Variants in IGDCC3 observed in about 807,000 individuals in gnomAD.
The protein encoded by IGDCC3 is immunoglobulin superfamily DCC subclass member 3.
IGDCC3 carries 47 observed loss-of-function variants against 72.0 expected under a neutral mutation model. The observed-to-expected ratio is 0.65, with a 90% CI of 0.52 to 0.83. IGDCC3 has a LOEUF of 0.83. Among genes scored for constraint, IGDCC3 ranks in the 40% least tolerant of loss-of-function variants. IGDCC3 has a pLI of 0.00. For missense variants in IGDCC3, 1,038 were observed against 1,091.3 expected (o/e 0.95, Z 0.69); for synonymous variants, 477 against 472.8 (o/e 1.01, Z -0.11).
intron 2 of IGDCC3, among the ~76,000 whole-genome samples, chr15:65,362,003 A>G (rs1478358853): frequency 6.6e-6 from 1 of 152,068 alleles, no homozygotes; most frequent in African/African-American, 2.4e-5. Context: ...CGCGGGCAGG[A>G]GCCAGGAGGG....
chr15:65,341,883 C>T (rs2091084400), intron 2 of IGDCC3, among the ~76,000 whole-genome samples: 1 of 152,170 alleles, frequency 6.6e-6, no homozygotes, highest in Non-Finnish European at 1.5e-5. Flanking sequence ...AAGCGATTCT[C>T]ATGCCTCAGC....
chr15:65,355,656 T>TGTCC, intron 2 of IGDCC3: 1 of 211,730 alleles, frequency 4.7e-6, no homozygotes, highest in Non-Finnish European at 9.7e-6. Flanking sequence ...GACGCGGGCG[T>TGTCC]CCCGCCCCCC....
intron 2 of IGDCC3, among the ~76,000 whole-genome samples, chr15:65,371,028 G>A (rs1323801631): frequency 6.6e-6 from 1 of 152,236 alleles, no homozygotes; most frequent in Non-Finnish European, 1.5e-5. Flanking sequence ...CCAAGCCCAG[G>A]TCTGTTTGCC....
At chr15:65,356,919 G>A (rs550345634) in intron 2 of IGDCC3, among the ~76,000 whole-genome samples, 8 of 140,140 alleles carry the variant, frequency 5.7e-5, no homozygotes, top group South Asian at 2.2e-4. Context: ...GCCTGATCTC[G>A]GCTCACTGCA....
chr15:65,334,712 T>TG lies in IGDCC3; in HGVS notation c.823+15dup. The TG allele has an allele frequency of 6.5e-7, 1 of 1,542,796 alleles. No individual in the cohort carries two copies. Among genetic ancestry groups the TG allele is most frequent in the Non-Finnish European group, 8.7e-7 (1 of 1,144,378 alleles). On this transcript the variant is annotated intron_variant, in intron 5 of 13. Coordinates refer to ENST00000327987, the MANE Select transcript of IGDCC3 (RefSeq NM_004884.4). ...GACAGGCTGGGAGGGGCAGGGGCTGTGGGGATGAGGCTCACCCAGGCGGCT... is the reference window on the plus strand; with the variant it reads ...GACAGGCTGGGAGGGGCAGGGGCTGTGGGGGATGAGGCTCACCCAGGCGGCT...
At position 65,377,723 on chromosome 15, in the gene IGDCC3, C is replaced by T. The variant is rs2091368467; in HGVS notation, c.66G>A (p.Leu22=). The T allele has an allele frequency of 1.5e-6, 2 of 1,377,754 alleles. No individual in the cohort carries two copies. The highest frequency in any genetic ancestry group is 1.9e-6 in the Non-Finnish European group (2 of 1,069,084). 85.3% of individuals were successfully genotyped at this position (1,377,754 alleles called of 1,614,324 possible). The change falls in exon 1 of 14, where the codon CTG becomes CTA. Residue 22 remains leucine (L), a synonymous_variant. Coordinates refer to ENST00000327987, the MANE Select transcript of IGDCC3 (RefSeq NM_004884.4). The surrounding 1 kb of genome is among the most constrained non-coding windows in gnomAD (Gnocchi z 4.9). ...PPAPLWPRLL[L]PLLLLLLPAP... Reference sequence around the variant, plus strand: ...CGGGCAGCAGCAGCAACAGCAGCGGCAGCAGGAGCCGGGGCCAGAGCGGGG... The same window carrying T: ...CGGGCAGCAGCAGCAACAGCAGCGGTAGCAGGAGCCGGGGCCAGAGCGGGG...
chr15:65,360,175 A>C (rs2091251445), intron 2 of IGDCC3, among the ~76,000 whole-genome samples: 1 of 152,240 alleles, frequency 6.6e-6, no homozygotes, highest in Non-Finnish European at 1.5e-5. Context: ...CATACAGCCC[A>C]ATGGATCCTT....
intron 2 of IGDCC3, among the ~76,000 whole-genome samples, chr15:65,348,216 C>A (rs1225742359): frequency 2.0e-5 from 3 of 152,162 alleles, no homozygotes; most frequent in African/African-American, 7.2e-5. Context: ...AACCACCAGC[C>A]CTTGGGGCCG....
chr15:65,367,692 T>C (rs573752598), intron 2 of IGDCC3, among the ~76,000 whole-genome samples: 1 of 152,102 alleles, frequency 6.6e-6, no homozygotes, highest in East Asian at 1.9e-4. Context: ...TTCAGCTTGG[T>C]TGGGTAAGGG....
chr15:65,347,305 G>A lies in IGDCC3; in HGVS notation c.410-11349C>T, dbSNP rs569354326. Among the ~76,000 whole-genome samples, 69 of 152,330 alleles carry A rather than the reference G, an allele frequency of 4.5e-4. 1 individual carries two copies. Among genetic ancestry groups the A allele is most frequent in the Admixed American group, 1.6e-3 (24 of 15,302 alleles). On this transcript the variant is annotated intron_variant, in intron 2 of 13. Transcript: ENST00000327987. ...TTGGGATTTAGGTAACAGAGAGGCAGGCTGAGATCAGCTCCTGGCTCTGTC... is the reference window on the plus strand; with the variant it reads ...TTGGGATTTAGGTAACAGAGAGGCAAGCTGAGATCAGCTCCTGGCTCTGTC...
At chr15:65,359,986 A>T (rs2091250048) in intron 2 of IGDCC3, among the ~76,000 whole-genome samples, 1 of 152,120 alleles carries the variant, frequency 6.6e-6, no homozygotes, top group Admixed American at 6.5e-5. Context: ...TAATACCCAC[A>T]GCTCCCCATT....
At position 65,334,767 on chromosome 15, in the gene IGDCC3, TGGCG is replaced by T; in HGVS notation, c.780_783del (p.Ala261ArgfsTer36). The stretch of plus-strand genomic sequence containing the variant: ...GACACAATGGGGCGCGGGTTGCCCG[TGGCG>T]ACACACTCAAGCACCGCGGTCTGGT... On this transcript the variant is annotated frameshift_variant, in exon 5 of 14. Transcript: ENST00000327987. LOFTEE classifies it high-confidence loss of function. The T allele has an allele frequency of 6.2e-7, 1 of 1,603,832 alleles. No individual in the cohort carries two copies. Among genetic ancestry groups the T allele is most frequent in the South Asian group, 1.1e-5 (1 of 89,162 alleles).
intron 2 of IGDCC3, among the ~76,000 whole-genome samples, chr15:65,372,876 C>T (rs965160774): frequency 4.6e-5 from 7 of 152,148 alleles, no homozygotes; most frequent in African/African-American, 1.4e-4. Context: ...CGGATCCAGC[C>T]GCACCGTTGC....
chr15:65,337,288 C>G (rs188561661), intron 2 of IGDCC3, among the ~76,000 whole-genome samples: 1 of 152,200 alleles, frequency 6.6e-6, no homozygotes, highest in Non-Finnish European at 1.5e-5. Context: ...CCTGCCTCCT[C>G]GTCTTTGAGG....
In IGDCC3 at chr15:65,362,922, T is replaced by C. The variant is rs940272124; in HGVS notation, c.409+12175A>G. ...CAGGCTGGAGTGCAGTGGCCCCATCTCAGCTCACTGCAGCCTCCGCCTCCC... is the reference window on the plus strand; with the variant it reads ...CAGGCTGGAGTGCAGTGGCCCCATCCCAGCTCACTGCAGCCTCCGCCTCCC... On this transcript the variant is annotated intron_variant, in intron 2 of 13. Coordinates refer to ENST00000327987, the MANE Select transcript of IGDCC3 (RefSeq NM_004884.4). 3.5e-5 allele frequency among the ~76,000 whole-genome samples: 5 copies of C among 141,004 alleles called. No individual in the cohort carries two copies. In the East Asian group the frequency reaches 6.7e-4, roughly 19 times the overall value. The allele number at this position is 141,004 out of a possible 152,430, so 92.5% of individuals were successfully genotyped here.
chr15:65,330,930 C>G, intron 9 of IGDCC3, 120 bp downstream of exon 9: 1 of 1,254,240 alleles, frequency 8.0e-7, no homozygotes, highest in Non-Finnish European at 1.1e-6. Context: ...AGACTCAGCC[C>G]TGACAGCCTC....
intron 2 of IGDCC3, 54 bp from the exon 3 acceptor site, chr15:65,336,010 A>G: frequency 2.5e-6 from 4 of 1,590,760 alleles, no homozygotes; most frequent in Non-Finnish European, 3.4e-6. Flanking sequence ...AGAAGGTAGG[A>G]GAGAATGGGC....
rs577039579 is a variant in IGDCC3, at chr15:65,358,075, CTAGT to C, written c.409+17018_409+17021del. Among the ~76,000 whole-genome samples, 16 of 151,600 alleles carry C rather than the reference CTAGT, an allele frequency of 1.1e-4. No homozygotes were observed. In the South Asian group the frequency reaches 1.5e-3, roughly 14 times the overall value. ...GAAAAAAGATCCAAGAAAACAACAG[CTAGT>C]TAGTTAGTAGCAGATCCAAGACATA... On this transcript the variant is annotated intron_variant, in intron 2 of 13. Coordinates refer to ENST00000327987, the MANE Select transcript of IGDCC3 (RefSeq NM_004884.4).
Position 65,329,759 on chromosome 15 carries a change from CAG to C in IGDCC3, c.1962_1963del (p.Phe654LeufsTer17), listed in dbSNP as rs1391907153. 1 of 1,614,032 alleles carries C rather than the reference CAG, an allele frequency of 6.2e-7. No homozygotes were observed. Among genetic ancestry groups the C allele is most frequent in the Non-Finnish European group, 8.5e-7 (1 of 1,180,042 alleles). ...TTGGCCGAACAGGAGGAAGAGGACACAGAAGATGATGCAAGTGACCCCGATGT... is the reference window on the plus strand; with the variant it reads ...TTGGCCGAACAGGAGGAAGAGGACACAAGATGATGCAAGTGACCCCGATGT... On this transcript the variant is annotated frameshift_variant, in exon 12 of 14. Coordinates refer to ENST00000327987, the MANE Select transcript of IGDCC3 (RefSeq NM_004884.4). LOFTEE classifies it high-confidence loss of function. This position sits in a 1 kb window ranked among gnomAD's most constrained non-coding sequence, Gnocchi z 4.1.
Sources: gnomAD v4.1 joint callset for allele counts (sites outside exome capture counted in the v4.1 genomes callset) on GRCh38, gnomAD v4.1.1 for gene constraint, Gnocchi (gnomAD v3.1) non-coding constraint, MANE v1.5 for transcripts, NCBI Gene and HGNC (gene_info 2026-07-23, HGNC 2026-07-21) for gene names.